The following CYSLTR2 variants were observed in gnomAD, a reference collection of about 807,000 sequenced individuals.
The protein encoded by CYSLTR2 is cysteinyl leukotriene receptor 2.
For synonymous variants in CYSLTR2, 179 were observed against 160.8 expected (o/e 1.11, Z -0.86); for missense variants, 398 against 411.9 (o/e 0.97, Z 0.29).
At position 48,707,612 on chromosome 13, in the gene CYSLTR2, A is replaced by G. The variant is rs199523415; in HGVS notation, c.795A>G (p.Thr265=). ...IFFLCFLPYH[T]LRTVHLTTWK... ...TCTTGTGTTTCCTGCCCTATCACAC[A>G]CTGAGGACCGTCCACTTGACGACAT... is the stretch of plus-strand genomic sequence containing the variant. The change falls in exon 5 of 5, where the codon ACA becomes ACG. Residue 265 remains threonine, a synonymous_variant. Coordinates refer to ENST00000682523, the MANE Select transcript of CYSLTR2 (RefSeq NM_001308476.3). The G allele has an allele frequency of 3.7e-6, 6 of 1,612,426 alleles. No individual in the cohort carries two copies. The African/African-American group carries it at 5.3e-5, about 14-fold the overall frequency.
Position 48,707,059 on chromosome 13 carries a change from C to T in CYSLTR2, c.242C>T (p.Ala81Val), listed in dbSNP as rs1258128809. The change falls in exon 5 of 5, where the codon GCC becomes GTC. Residue 81 changes from alanine (A) to valine (V), a missense_variant. By Grantham distance (64) the Ala-to-Val change is moderately conservative. Transcript: ENST00000682523. ...TSVNVFMLNL[A>V]ISDLLFISTL... ...GTGAACGTTTTCATGCTAAATCTGG[C>T]CATTTCAGATCTCCTGTTCATAAGC... is the stretch of plus-strand genomic sequence containing the variant. 2 of 1,614,028 alleles carry T rather than the reference C, an allele frequency of 1.2e-6. No homozygotes were observed. Among genetic ancestry groups the T allele is most frequent in the Non-Finnish European group, 8.5e-7 (1 of 1,180,044 alleles).
chr13:48,679,386 T>TGG (rs1408193683), intron 1 of CYSLTR2, among the ~76,000 whole-genome samples: 1 of 152,110 alleles, frequency 6.6e-6, no homozygotes, highest in East Asian at 1.9e-4. Context: ...GAGGTTCTTT[T>TGG]TGGTCTAAGA....
rs1286282490 is a variant in CYSLTR2, at chr13:48,711,191, T to A, written c.*3333T>A. ...GTGAATATGTATTTCTGAAGTAAAA[T>A]AAAAATTAAGTTAAAATTAAATTTT... is the stretch of plus-strand genomic sequence containing the variant. On this transcript the variant is annotated 3_prime_UTR_variant, in exon 5 of 5. Coordinates refer to ENST00000682523, the MANE Select transcript of CYSLTR2 (RefSeq NM_001308476.3). 1 of 152,106 alleles carries A rather than the reference T, an allele frequency of 6.6e-6. No individual in the cohort carries two copies. Among genetic ancestry groups the A allele is most frequent in the Non-Finnish European group, 1.5e-5 (1 of 67,992 alleles). 9.4% of individuals were successfully genotyped at this position (152,106 alleles called of 1,614,324 possible).
intron 3 of CYSLTR2, among the ~76,000 whole-genome samples, chr13:48,695,068 ATTT>A (rs869282546): frequency 8.4e-5 from 6 of 71,616 alleles, no homozygotes; most frequent in South Asian, 6.0e-4. Context: ...AGAACCTGGC[ATTT>A]TTTTTTTTTT....
At chr13:48,685,061 A>G (rs918759614) in intron 1 of CYSLTR2, among the ~76,000 whole-genome samples, 3 of 152,142 alleles carry the variant, frequency 2.0e-5, no homozygotes, top group Non-Finnish European at 4.4e-5. Context: ...ATAAAGAAAT[A>G]CCTGAGACTG....
intron 3 of CYSLTR2, among the ~76,000 whole-genome samples, chr13:48,695,264 TC>T (rs1308376563): frequency 3.1e-4 from 47 of 150,348 alleles, no homozygotes; most frequent in African/African-American, 9.5e-4. Context: ...TCTTTTTTTT[TC>T]CTTTTCTTTT....
At chr13:48,706,653 C>T in intron 4 of CYSLTR2, 164 bp from the exon 5 acceptor site, 1 of 585,690 alleles carries the variant, frequency 1.7e-6, no homozygotes, top group Non-Finnish European at 3.0e-6. Flanking sequence ...AAATGTAATG[C>T]AGCATGTAGT....
At chr13:48,690,318 C>T (rs1264446641) in intron 1 of CYSLTR2, among the ~76,000 whole-genome samples, 1 of 152,104 alleles carries the variant, frequency 6.6e-6, no homozygotes, top group African/African-American at 2.4e-5. Context: ...AGAGGGCATC[C>T]TTGTCTTATG....
intron 1 of CYSLTR2, among the ~76,000 whole-genome samples, chr13:48,680,748 T>A (rs1257585867): frequency 6.6e-6 from 1 of 152,064 alleles, no homozygotes; most frequent in Non-Finnish European, 1.5e-5. Context: ...CTAATTTTTA[T>A]AGTCACATCT....
chr13:48,680,267 G>A (rs182734356), intron 1 of CYSLTR2, among the ~76,000 whole-genome samples: 3 of 152,278 alleles, frequency 2.0e-5, no homozygotes, highest in Admixed American at 6.5e-5. Context: ...GACGGAGAGG[G>A]GTTAGTGGGG....
intron 3 of CYSLTR2, among the ~76,000 whole-genome samples, chr13:48,695,068 ATTTTTTTTTTTTT>A (rs869282546): frequency 1.4e-4 from 10 of 71,606 alleles, no homozygotes; most frequent in Admixed American, 9.4e-4. Flanking sequence ...AGAACCTGGC[ATTTTTTTTTTTTT>A]TTTTTTTTTT....
chr13:48,680,793 T>C (rs2060251822), intron 1 of CYSLTR2, among the ~76,000 whole-genome samples: 1 of 117,734 alleles, frequency 8.5e-6, no homozygotes, highest in Non-Finnish European at 1.8e-5. Flanking sequence ...TTCTTTTCTT[T>C]TCTTTTCTTT....
At position 48,707,647 on chromosome 13, in the gene CYSLTR2, G is replaced by T; in HGVS notation, c.830G>T (p.Gly277Val). 1 of 1,613,940 alleles carries T rather than the reference G, an allele frequency of 6.2e-7. No individual in the cohort carries two copies. Among genetic ancestry groups the T allele is most frequent in the Non-Finnish European group, 8.5e-7 (1 of 1,180,012 alleles). ...RTVHLTTWKV[G>V]LCKDRLHKAL... Reference sequence around the variant, plus strand: ...GTCCACTTGACGACATGGAAAGTGGGTTTATGCAAAGACAGACTGCATAAA... The same window carrying T: ...GTCCACTTGACGACATGGAAAGTGGTTTTATGCAAAGACAGACTGCATAAA... Residue 277 changes from glycine to valine, a missense_variant, in exon 5 of 5, where the codon GGT becomes GTT. Gly to Val is a moderately radical substitution (Grantham distance 109, BLOSUM62 -3). Coordinates refer to ENST00000682523, the MANE Select transcript of CYSLTR2 (RefSeq NM_001308476.3).
chr13:48,698,141 C>A (rs1954244630), intron 4 of CYSLTR2, among the ~76,000 whole-genome samples: 2 of 152,098 alleles, frequency 1.3e-5, no homozygotes, highest in South Asian at 4.2e-4. Flanking sequence ...GCGAGGCAGG[C>A]CAACATTGAA....
intron 1 of CYSLTR2, among the ~76,000 whole-genome samples, chr13:48,686,667 G>A (rs1953900627): frequency 6.6e-6 from 1 of 152,148 alleles, no homozygotes; most frequent in East Asian, 1.9e-4. Flanking sequence ...GAAGTGGTTA[G>A]CACAAATTTC....
chr13:48,663,468 G>A (rs1301384979), intron 1 of CYSLTR2, among the ~76,000 whole-genome samples: 1 of 152,056 alleles, frequency 6.6e-6, no homozygotes, highest in Non-Finnish European at 1.5e-5. Context: ...TCCTCCATGA[G>A]CATGGGTTGT....
chr13:48,707,529 C>A lies in CYSLTR2; in HGVS notation c.712C>A (p.Leu238Met), dbSNP rs1440277663. 6.2e-7 allele frequency: 1 copy of A among 1,608,998 alleles called. No individual in the cohort carries two copies. The highest frequency in any genetic ancestry group is 1.1e-5 in the South Asian group (1 of 91,070). ...LLKVEVPESG[L>M]RVSHRKALTT... ...AAAAGTGGAGGTCCCAGAATCGGGG[C>A]TGCGGGTTTCTCACAGGAAGGCACT... Residue 238 changes from leucine to methionine, a missense_variant, in exon 5 of 5, where the codon CTG (leucine) becomes ATG (methionine). By Grantham distance (15) the Leu-to-Met change is conservative. Transcript: ENST00000682523.
chr13:48,700,969 A>T (rs970100976), intron 4 of CYSLTR2, among the ~76,000 whole-genome samples: 14 of 152,230 alleles, frequency 9.2e-5, no homozygotes, highest in Non-Finnish European at 2.9e-5. Context: ...GGGCCTCTTC[A>T]AGGAGAACTA....
intron 1 of CYSLTR2, among the ~76,000 whole-genome samples, chr13:48,686,018 T>C (rs1021370166): frequency 1.3e-5 from 2 of 152,324 alleles, no homozygotes; most frequent in Admixed American, 1.3e-4. Flanking sequence ...AAAACTTTTC[T>C]TTTACAGAAC....
Sources: gnomAD v4.1 joint callset for allele counts (sites outside exome capture counted in the v4.1 genomes callset) on GRCh38, gnomAD v4.1.1 for gene constraint, MANE v1.5 for transcripts, NCBI Gene and HGNC (gene_info 2026-07-23, HGNC 2026-07-21) for gene names.